ROBO1: variants seen among roughly 807,000 people sequenced by gnomAD.
ROBO1 encodes the protein roundabout homolog 1.
Under a neutral mutation model 195.9 loss-of-function variants are expected in ROBO1, and 149 were observed. The ratio of observed to expected loss-of-function variants is 0.76; its 90% confidence interval spans 0.67 to 0.87. ROBO1 has a LOEUF of 0.87. Among genes scored for constraint, ROBO1 ranks in the 40% least tolerant of loss-of-function variants. ROBO1 has a pLI of 0.00. For missense variants in ROBO1, 1,933 were observed against 2,068.3 expected (o/e 0.93, Z 1.27); for synonymous variants, 816 against 733.2 (o/e 1.11, Z -1.82).
At chr3:79,183,080 C>CAAAAAAAAAAAAAAAAAAAAAAAAAAA (rs1304597488) in intron 2 of ROBO1, among the ~76,000 whole-genome samples, 1 of 64,828 alleles carries the variant, frequency 1.5e-5, no homozygotes, top group African/African-American at 5.4e-5. Context: ...GACTCCAACT[C>CAAAAAAAAAAAAAAAAAAAAAAAAAAA]AAAAAAAAAA....
chr3:79,199,504 C>T (rs1213063697), intron 2 of ROBO1, among the ~76,000 whole-genome samples: 1 of 151,692 alleles, frequency 6.6e-6, no homozygotes, highest in East Asian at 1.9e-4. Flanking sequence ...TATTAATTCA[C>T]CTTCTTTAAC....
At chr3:78,685,973 C>A in intron 9 of ROBO1, 56 bp from the exon 10 acceptor site, 1 of 1,414,152 alleles carries the variant, frequency 7.1e-7, no homozygotes, top group African/African-American at 1.4e-5. Context: ...TGTTAGGTTC[C>A]AATATTTTGG....
rs2078890886 is a variant in ROBO1 at position 79,060,227 on chromosome 3, G to C, written c.172+65229C>G. 2.0e-5 allele frequency among the ~76,000 whole-genome samples: 3 copies of C among 152,044 alleles called. No individual in the cohort carries two copies. The South Asian group carries it at 6.2e-4, about 32-fold the overall frequency. On this transcript the variant is annotated intron_variant, in intron 3 of 30. Transcript: ENST00000464233. ...GCTCTTGAACCCTGTTTCCTGTTAA[G>C]ATGTTTATCAATGACAATGTGTGCC...
rs115004433 is a variant in ROBO1, at chr3:79,681,848, C to T, written c.-51+85904G>A. Among the ~76,000 whole-genome samples the T allele has an allele frequency of 4.6e-3, 697 of 152,054 alleles. 10 individuals are homozygous for T. Among genetic ancestry groups the T allele is most frequent in the African/African-American group, 0.014 (575 of 41,542 alleles). On this transcript the variant is annotated intron_variant, in intron 1 of 30. Coordinates refer to ENST00000464233, the MANE Select transcript of ROBO1 (RefSeq NM_002941.4). ...ATTCAGAAAAATCATAAAAATAGTT[C>T]ATCAGAAACAGTACGTAATATTAGA... is the stretch of plus-strand genomic sequence containing the variant.
At chr3:79,056,492 TA>T (rs1485343862) in intron 3 of ROBO1, among the ~76,000 whole-genome samples, 1 of 152,148 alleles carries the variant, frequency 6.6e-6, no homozygotes, top group Non-Finnish European at 1.5e-5. Flanking sequence ...GGGTGGTCGA[TA>T]AACAACGTAT....
intron 3 of ROBO1, among the ~76,000 whole-genome samples, chr3:78,944,972 C>G (rs1431230315): frequency 6.6e-6 from 1 of 152,172 alleles, no homozygotes; most frequent in African/African-American, 2.4e-5. Flanking sequence ...GGGAGGGGTG[C>G]CCGCCATTGC....
intron 2 of ROBO1, among the ~76,000 whole-genome samples, chr3:79,226,138 G>A (rs913848675): frequency 3.9e-5 from 6 of 151,940 alleles, no homozygotes; most frequent in African/African-American, 1.2e-4. Flanking sequence ...GCACTTTTTC[G>A]TAGTGGGCAT....
intron 2 of ROBO1, among the ~76,000 whole-genome samples, chr3:79,295,161 C>T (rs747574081): frequency 6.6e-6 from 1 of 152,102 alleles, no homozygotes; most frequent in African/African-American, 2.4e-5. Flanking sequence ...ATGCTTATTG[C>T]AGCACTATTC....
intron 2 of ROBO1, among the ~76,000 whole-genome samples, chr3:79,268,220 C>T (rs1263653237): frequency 6.6e-6 from 1 of 151,516 alleles, no homozygotes; most frequent in Admixed American, 6.6e-5. Context: ...ATCATGCTTA[C>T]CATGCTTCTG....
At chr3:79,076,756 C>A (rs2079180920) in intron 3 of ROBO1, among the ~76,000 whole-genome samples, 1 of 151,676 alleles carries the variant, frequency 6.6e-6, no homozygotes, top group Admixed American at 6.6e-5. Flanking sequence ...TTAGAACATG[C>A]TCAAATAAGA....
intron 2 of ROBO1, among the ~76,000 whole-genome samples, chr3:79,485,915 C>G (rs892252462): frequency 8.5e-5 from 13 of 152,210 alleles, no homozygotes; most frequent in Non-Finnish European, 1.6e-4. Flanking sequence ...TGTCCCATAT[C>G]CGAATGTTTT....
At chr3:78,888,739 T>C (rs2036712587) in intron 4 of ROBO1, among the ~76,000 whole-genome samples, 1 of 152,130 alleles carries the variant, frequency 6.6e-6, no homozygotes, top group Non-Finnish European at 1.5e-5. Flanking sequence ...TACTGCATGA[T>C]GAGAAATGAG....
intron 4 of ROBO1, among the ~76,000 whole-genome samples, chr3:78,772,501 G>A (rs1235409508): frequency 6.6e-6 from 1 of 152,068 alleles, no homozygotes; most frequent in Non-Finnish European, 1.5e-5. Flanking sequence ...AGTTATTTCT[G>A]AGTAGTGAGA....
At chr3:78,704,363 C>A (rs1488565278) in intron 8 of ROBO1, among the ~76,000 whole-genome samples, 4 of 151,962 alleles carry the variant, frequency 2.6e-5, no homozygotes, top group Non-Finnish European at 5.9e-5. Flanking sequence ...ATGGATCTCA[C>A]ACAAAGATCT....
chr3:78,706,981 T>C (rs1275877805), intron 8 of ROBO1, among the ~76,000 whole-genome samples: 1 of 152,142 alleles, frequency 6.6e-6, no homozygotes, highest in Non-Finnish European at 1.5e-5. Context: ...GGTCTGCTCT[T>C]ATTTTCACTT....
At chr3:78,813,361 G>A (rs1170962303) in intron 4 of ROBO1, among the ~76,000 whole-genome samples, 1 of 152,022 alleles carries the variant, frequency 6.6e-6, no homozygotes, top group African/African-American at 2.4e-5. Context: ...TAAAATATTA[G>A]TCAATTTGAA....
In ROBO1 at chr3:79,742,899, T is replaced by G. The variant is rs551288399; in HGVS notation, c.-51+24853A>C. Among the ~76,000 whole-genome samples the G allele has an allele frequency of 4.6e-5, 7 of 152,276 alleles. No individual in the cohort carries two copies. In the East Asian group the frequency reaches 1.2e-3, roughly 25 times the overall value. Reference sequence around the variant, plus strand: ...CATTTAGACATTTCTGGGCTTTGGGTTGGAATGTGAAAGGTGACCAAGTGA... The same window carrying G: ...CATTTAGACATTTCTGGGCTTTGGGGTGGAATGTGAAAGGTGACCAAGTGA... On this transcript the variant is annotated intron_variant, in intron 1 of 30. Coordinates refer to ENST00000464233, the MANE Select transcript of ROBO1 (RefSeq NM_002941.4).
chr3:78,688,618 TAAA>T, intron 9 of ROBO1, 27 bp downstream of exon 9: 1 of 1,197,348 alleles, frequency 8.4e-7, no homozygotes, highest in Admixed American at 2.6e-5. Context: ...TTTGCTGATT[TAAA>T]AAAAAAAAGT....
chr3:79,579,165 T>C (rs1054183985), intron 2 of ROBO1, among the ~76,000 whole-genome samples: 1 of 152,218 alleles, frequency 6.6e-6, no homozygotes, highest in African/African-American at 2.4e-5. Flanking sequence ...ACTGTTCATA[T>C]TGTCATTTCA....
Sources: allele counts gnomAD v4.1 joint callset (sites outside exome capture counted in the v4.1 genomes callset), GRCh38; gene constraint gnomAD v4.1.1; transcripts MANE v1.5; gene names NCBI Gene and HGNC (gene_info 2026-07-23, HGNC 2026-07-21).